Variants in ZFAT observed in about 807,000 individuals in gnomAD.
The protein encoded by ZFAT is zinc finger protein ZFAT.
Under a neutral mutation model 117.7 loss-of-function variants are expected in ZFAT, and 64 were observed. The observed-to-expected ratio is 0.54, with a 90% confidence interval of 0.44 to 0.67. The LOEUF (loss-of-function observed/expected upper bound fraction) is 0.67. Among genes scored for constraint, ZFAT ranks in the 30% least tolerant of loss-of-function variants. The pLI is 0.00. For missense variants in ZFAT, 1,433 were observed against 1,584.5 expected, an observed-to-expected ratio of 0.90 and a Z score of 1.62; for synonymous variants, 679 against 615.0, an observed-to-expected ratio of 1.10 and a Z score of -1.54.
At position 134,581,398 on chromosome 8, in the gene ZFAT, CT is replaced by C. The variant is rs556800922; in HGVS notation, c.2887+2433del. The stretch of plus-strand genomic sequence containing the variant: ...TCCTATTTCCATCCCTTTTGCTCTA[CT>C]TTACCCCTTTCTTCCTAGAATCAGA... On this transcript the variant is annotated intron_variant, in intron 10 of 15. Transcript: ENST00000377838. 1.8e-4 allele frequency among the ~76,000 whole-genome samples: 28 copies of C among 152,298 alleles called. No individual in the cohort carries two copies. The South Asian group carries it at 5.8e-3, about 32-fold the overall frequency.
chr8:134,680,769 T>A (rs191936154), intron 1 of ZFAT, among the ~76,000 whole-genome samples: 8 of 152,314 alleles, frequency 5.3e-5, no homozygotes, highest in Admixed American at 5.2e-4. Context: ...TACATAATAC[T>A]AACGTACCTG....
chr8:134,653,411 T>C lies in ZFAT; in HGVS notation c.196+4150A>G, dbSNP rs575070110. Among the ~76,000 whole-genome samples the C allele has an allele frequency of 2.3e-3, 322 of 142,614 alleles. 1 individual carries two copies. Among genetic ancestry groups the C allele is most frequent in the African/African-American group, 8.0e-3 (310 of 38,982 alleles). The allele number at this position is 142,614 out of a possible 152,430, so 93.6% of individuals were successfully genotyped here. A position where few individuals can be genotyped will look rare whatever the true frequency, so the allele number is the denominator to read the frequency against. On this transcript the variant is annotated intron_variant, in intron 2 of 15. Transcript: ENST00000377838. ...TACCTGGGACTACAGGCACAAGCCG[T>C]TTTATCTGTTTTTTTTTTTTTTTTT...
intron 11 of ZFAT, among the ~76,000 whole-genome samples, chr8:134,534,663 C>A (rs1821688358): frequency 8.2e-6 from 1 of 122,018 alleles, no homozygotes; most frequent in Non-Finnish European, 1.7e-5. Flanking sequence ...GAAAGGGAGA[C>A]AAGAAGAGAG....
chr8:134,478,499 G>A lies in ZFAT; in HGVS notation c.3715C>T (p.Pro1239Ser). 3 of 1,574,698 alleles carry A rather than the reference G, an allele frequency of 1.9e-6. No individual in the cohort carries two copies. Among genetic ancestry groups the A allele is most frequent in the Non-Finnish European group, 2.6e-6 (3 of 1,160,728 alleles). The change falls in exon 16 of 16, where the codon CCG (proline) becomes TCG (serine). Residue 1239 changes from proline (P) to serine (S), a missense_variant. By Grantham distance (74) the Pro-to-Ser change is moderately conservative (BLOSUM62 -1). Transcript: ENST00000377838. The surrounding 1 kb of genome is among the most constrained non-coding windows in gnomAD (Gnocchi z 5.2). Reference sequence around the variant, plus strand: ...CATGTCCTCTAGAGTTCCTGGGCCGGCTGCTCCACAGCCTGCTCCTCCACA... The same window carrying A: ...CATGTCCTCTAGAGTTCCTGGGCCGACTGCTCCACAGCCTGCTCCTCCACA... ...QPVEEQAVEQ[P>S]AQEL
chr8:134,757,777 G>A, the ZFAT span, among the ~76,000 whole-genome samples: 6 of 152,166 alleles, frequency 3.9e-5, no homozygotes, highest in Admixed American at 1.3e-4. Context: ...CCTGGGGCTG[G>A]AGCTGCCAGT....
chr8:134,509,246 C>G (rs1204150591), intron 15 of ZFAT, among the ~76,000 whole-genome samples: 1 of 152,198 alleles, frequency 6.6e-6, no homozygotes, highest in Non-Finnish European at 1.5e-5. Context: ...TCCGGCTACC[C>G]CCATGCATCC....
intron 15 of ZFAT, among the ~76,000 whole-genome samples, chr8:134,481,942 GGCC>G (rs935971115): frequency 2.0e-5 from 3 of 152,174 alleles, no homozygotes; most frequent in African/African-American, 7.2e-5. Context: ...CAAGGCCACC[GGCC>G]ACCTCCCAGT....
chr8:134,605,999 G>C (rs1020097497), intron 5 of ZFAT, among the ~76,000 whole-genome samples: 2 of 152,222 alleles, frequency 1.3e-5, no homozygotes, highest in Admixed American at 6.5e-5. Context: ...GACAGGGAAG[G>C]CCTCCCTGAG....
chr8:134,768,770 T>C, the ZFAT span, among the ~76,000 whole-genome samples: 116,421 of 152,222 alleles, frequency 0.76, 45,031 homozygotes, highest in African/African-American at 0.88. Flanking sequence ...CAAACCATAT[T>C]ATTCTGCCTT....
At chr8:134,568,637 T>C (rs1824653472) in intron 10 of ZFAT, among the ~76,000 whole-genome samples, 1 of 152,186 alleles carries the variant, frequency 6.6e-6, no homozygotes, top group Non-Finnish European at 1.5e-5. Context: ...AGAGTCAGCC[T>C]TTTATGGATG....
chr8:134,503,397 A>G (rs904031324), intron 15 of ZFAT, among the ~76,000 whole-genome samples: 1 of 152,256 alleles, frequency 6.6e-6, no homozygotes, highest in African/African-American at 2.4e-5. Flanking sequence ...TGTGAAACTG[A>G]GAATTTCACC....
the ZFAT span, among the ~76,000 whole-genome samples, chr8:134,739,795 G>T: frequency 6.6e-5 from 10 of 152,222 alleles, no homozygotes; most frequent in African/African-American, 2.4e-4. Context: ...CAGAGGCTGA[G>T]GACTCCCCAC....
In ZFAT at chr8:134,602,415, T is replaced by C; in HGVS notation, c.1304A>G (p.Glu435Gly). 6.2e-7 allele frequency: 1 copy of C among 1,613,930 alleles called. No homozygotes were observed. The highest frequency in any genetic ancestry group is 2.2e-5 in the East Asian group (1 of 44,880). ...CTTGGTGGCCCCATGGCCACAGAGC[T>C]CACAGGCAAAAGGCCACTTGTCTCC... Reference protein sequence around the residue: ...VHGDKWPFACELCGHGATKYQ... With the variant: ...VHGDKWPFACGLCGHGATKYQ... The change falls in exon 6 of 16, where the codon GAG becomes GGG. Residue 435 changes from glutamate (E) to glycine (G), a missense_variant. Glu to Gly is a moderately conservative substitution (Grantham distance 98, BLOSUM62 -2). Around this residue, in one of 5 missense-constraint regions of ZFAT, gnomAD observed 73 missense variants for 122.0 expected, o/e 0.60. Transcript: ENST00000377838.
chr8:134,725,006 C>T, the ZFAT span, among the ~76,000 whole-genome samples: 1 of 152,184 alleles, frequency 6.6e-6, no homozygotes, highest in Non-Finnish European at 1.5e-5. Context: ...CTCCCTGGGG[C>T]CTTGCTTGAG....
At chr8:134,830,594 G>A in the ZFAT span, among the ~76,000 whole-genome samples, 1 of 152,176 alleles carries the variant, frequency 6.6e-6, no homozygotes, top group South Asian at 2.1e-4. Flanking sequence ...CAAATTCACA[G>A]GTTGTTCTCT....
intron 15 of ZFAT, among the ~76,000 whole-genome samples, chr8:134,503,058 G>A (rs935117151): frequency 7.2e-5 from 11 of 152,220 alleles, no homozygotes; most frequent in Non-Finnish European, 1.3e-4. Flanking sequence ...TGCCTGATGT[G>A]GACAGAGACA....
chr8:134,515,267 T>A (rs868773203), intron 13 of ZFAT, among the ~76,000 whole-genome samples: 1 of 152,250 alleles, frequency 6.6e-6, no homozygotes, highest in Non-Finnish European at 1.5e-5. Context: ...GCAATAAACA[T>A]ACGTGTGTGC....
the ZFAT span, chr8:134,765,859 G>A: frequency 1.3e-5 from 2 of 151,838 alleles, no homozygotes; most frequent in African/African-American, 2.4e-5. Context: ...GTTGCTTACA[G>A]TGCGTAAGAA....
At chr8:134,677,064 C>T (rs1586936955) in intron 1 of ZFAT, among the ~76,000 whole-genome samples, 1 of 152,206 alleles carries the variant, frequency 6.6e-6, no homozygotes, top group South Asian at 2.1e-4. Flanking sequence ...AATTCGAAAG[C>T]TAGCAGAAGA....
Sources: gnomAD v4.1 joint callset for allele counts (sites outside exome capture counted in the v4.1 genomes callset) on GRCh38, gnomAD v4.1.1 for gene constraint, gnomAD v4.1.1 regional missense constraint, Gnocchi (gnomAD v3.1) non-coding constraint, MANE v1.5 for transcripts, NCBI Gene and HGNC (gene_info 2026-07-23, HGNC 2026-07-21) for gene names.